The following FBXO25 variants were observed in gnomAD, a reference collection of about 807,000 sequenced individuals.
FBXO25 encodes the protein F-box protein 25.
FBXO25 carries 45 observed loss-of-function variants against 51.9 expected under a neutral mutation model. That is an observed-to-expected ratio of 0.87 (90% CI 0.68 to 1.11). The LOEUF is 1.11. Ranked by LOEUF, FBXO25 falls within the 50% of genes most tolerant of loss-of-function variation. The pLI is 0.00. For missense variants in FBXO25, 507 were observed against 428.5 expected (o/e 1.18, Z -1.62); for synonymous variants, 199 against 151.0 (o/e 1.32, Z -2.33).
chr8:428,113 A>G (rs1045619973), intron 2 of FBXO25, among the ~76,000 whole-genome samples: 3 of 152,084 alleles, frequency 2.0e-5, no homozygotes, highest in African/African-American at 7.2e-5. Flanking sequence ...GTTTACTTCT[A>G]CTTGGAGTTG....
At chr8:414,072 A>G (rs914869079) in intron 2 of FBXO25, among the ~76,000 whole-genome samples, 4 of 152,180 alleles carry the variant, frequency 2.6e-5, no homozygotes, top group Admixed American at 2.6e-4. Flanking sequence ...GATGGGCCAT[A>G]TGTTTTTCTG....
chr8:463,842 C>T (rs1004575613), intron 9 of FBXO25, among the ~76,000 whole-genome samples: 3 of 152,232 alleles, frequency 2.0e-5, no homozygotes, highest in Admixed American at 6.5e-5. Context: ...GAAATAGGGT[C>T]TCGCTCTGTC....
At chr8:449,325 G>A (rs1246827998) in intron 5 of FBXO25, among the ~76,000 whole-genome samples, 3 of 152,260 alleles carry the variant, frequency 2.0e-5, no homozygotes, top group East Asian at 3.9e-4. Context: ...GGAGGGGCAG[G>A]TGGAGCAGCG....
intron 2 of FBXO25, among the ~76,000 whole-genome samples, chr8:413,719 C>T (rs1334763824): frequency 2.0e-5 from 3 of 152,212 alleles, no homozygotes; most frequent in South Asian, 4.1e-4. Flanking sequence ...TACATTTGCG[C>T]TCAGGCCGAA....
intron 5 of FBXO25, among the ~76,000 whole-genome samples, chr8:449,583 C>T (rs1456534347): frequency 6.6e-6 from 1 of 152,224 alleles, no homozygotes; most frequent in Non-Finnish European, 1.5e-5. Flanking sequence ...CAGCAAACAA[C>T]TGCGAGTATG....
At chr8:441,570 G>C in intron 5 of FBXO25, among the ~76,000 whole-genome samples, 1 of 152,196 alleles carries the variant, frequency 6.6e-6, no homozygotes, top group Non-Finnish European at 1.5e-5. Context: ...TGTTATCACA[G>C]CGAAGAGGCA....
intron 7 of FBXO25, among the ~76,000 whole-genome samples, chr8:453,291 C>T (rs1374586912): frequency 6.6e-6 from 1 of 152,180 alleles, no homozygotes; most frequent in African/African-American, 2.4e-5. Flanking sequence ...TCTTCTCTTT[C>T]ATTAGTGGTT....
chr8:434,742 G>C (rs996410654), intron 4 of FBXO25, among the ~76,000 whole-genome samples: 2 of 152,106 alleles, frequency 1.3e-5, no homozygotes, highest in Non-Finnish European at 2.9e-5. Context: ...AAATATGGAG[G>C]ATGAAGATGG....
intron 1 of FBXO25, among the ~76,000 whole-genome samples, chr8:407,956 C>A (rs1796264625): frequency 6.6e-6 from 1 of 152,160 alleles, no homozygotes; most frequent in South Asian, 2.1e-4. Flanking sequence ...CATTTCTTCC[C>A]TTATGAAGCT....
rs554591237 is a variant in FBXO25 at position 453,472 on chromosome 8, G to A, written c.660+2019G>A. Among the ~76,000 whole-genome samples the A allele has an allele frequency of 7.2e-5, 11 of 152,236 alleles. No individual in the cohort carries two copies. In the East Asian group the frequency reaches 1.7e-3, roughly 24 times the overall value. ...GGCCAGAGGAGTTTTACCTTTCTGG[G>A]AATGTTACTTGAAACCAGTAGAAAG... On this transcript the variant is annotated intron_variant, in intron 7 of 9. Transcript: ENST00000350302.
At position 469,882 on chromosome 8, in the gene FBXO25, C is replaced by G. The variant is rs143898673; in HGVS notation, c.*1078C>G. Reference sequence around the variant, plus strand: ...TACTTTTATGGCGTTATAAATAGGACTAAAAAAAGATTCTGGATTTTTCAG... The same window carrying G: ...TACTTTTATGGCGTTATAAATAGGAGTAAAAAAAGATTCTGGATTTTTCAG... On this transcript the variant is annotated 3_prime_UTR_variant, in exon 10 of 10. Transcript: ENST00000350302. The G allele has an allele frequency of 1.9e-4, 29 of 152,072 alleles. No individual in the cohort carries two copies. The highest frequency in any genetic ancestry group is 6.5e-4 in the African/African-American group (27 of 41,526). 9.4% of individuals were successfully genotyped at this position (152,072 alleles called of 1,614,324 possible). A position where few individuals can be genotyped will look rare whatever the true frequency, so the allele number is the denominator to read the frequency against.
At chr8:417,650 A>T (rs140422774) in intron 2 of FBXO25, among the ~76,000 whole-genome samples, 1 of 152,182 alleles carries the variant, frequency 6.6e-6, no homozygotes, top group Non-Finnish European at 1.5e-5. Context: ...TTCCCTTTCC[A>T]GTGAGGTGGT....
intron 8 of FBXO25, among the ~76,000 whole-genome samples, chr8:461,562 G>A (rs1331115355): frequency 2.0e-5 from 3 of 152,120 alleles, no homozygotes; most frequent in Admixed American, 1.3e-4. Context: ...TCCCTCCCAC[G>A]GCACATGGGA....
intron 4 of FBXO25, among the ~76,000 whole-genome samples, chr8:433,418 A>C (rs1419974218): frequency 6.6e-6 from 1 of 152,076 alleles, no homozygotes; most frequent in Non-Finnish European, 1.5e-5. Context: ...TGCTGATGGG[A>C]ATGTGTCCTC....
chr8:460,638 G>A (rs1055564607), intron 8 of FBXO25, among the ~76,000 whole-genome samples: 6 of 152,312 alleles, frequency 3.9e-5, no homozygotes, highest in African/African-American at 1.4e-4. Context: ...AAAAATCACA[G>A]ATGGTTATTC....
chr8:460,875 C>T lies in FBXO25; in HGVS notation c.844-2132C>T, dbSNP rs117848039. ...TCAAATTTTATTAGAAACAAGATTT[C>T]CTCATTGACTCCACGATAATTTCCA... On this transcript the variant is annotated intron_variant, in intron 8 of 9. Coordinates refer to ENST00000350302, the MANE Select transcript of FBXO25 (RefSeq NM_183420.2). Among the ~76,000 whole-genome samples the T allele has an allele frequency of 5.5e-3, 839 of 152,264 alleles. 8 individuals carry two copies. The highest frequency in any genetic ancestry group is 0.032 in the South Asian group (153 of 4,818).
chr8:428,879 C>G (rs1052597094), intron 2 of FBXO25, among the ~76,000 whole-genome samples: 11 of 152,312 alleles, frequency 7.2e-5, no homozygotes, highest in Middle Eastern at 3.4e-3. Flanking sequence ...TTTCCTTTTT[C>G]AGACTGAATA....
intron 9 of FBXO25, chr8:467,866 T>C: frequency 1.3e-6 from 2 of 1,585,602 alleles, no homozygotes; most frequent in Non-Finnish European, 1.7e-6. Flanking sequence ...TGACTTGAGC[T>C]TTCTCAGGAC....
In FBXO25 at chr8:475,125, A is replaced by G; in HGVS notation, c.*6321A>G. ...TAGTTTAGGCCTTTGATCTATTTTA[A>G]TTTTTATATATGGTGTGAGGTAGAT... On this transcript the variant is annotated 3_prime_UTR_variant, in exon 10 of 10. Coordinates refer to ENST00000350302, the MANE Select transcript of FBXO25 (RefSeq NM_183420.2). 1 of 360,976 alleles carries G rather than the reference A, an allele frequency of 2.8e-6. No homozygotes were observed. Among genetic ancestry groups the G allele is most frequent in the African/African-American group, 2.1e-5 (1 of 46,848 alleles). 22.4% of individuals were successfully genotyped at this position (360,976 alleles called of 1,614,324 possible). A position where few individuals can be genotyped will look rare whatever the true frequency, so the allele number is the denominator to read the frequency against.
Sources: allele counts gnomAD v4.1 joint callset (sites outside exome capture counted in the v4.1 genomes callset), GRCh38; gene constraint gnomAD v4.1.1; transcripts MANE v1.5; gene names NCBI Gene and HGNC (gene_info 2026-07-23, HGNC 2026-07-21).